The following ASIC2 variants were observed in gnomAD, a reference collection of about 807,000 sequenced individuals.
ASIC2 encodes the protein acid-sensing ion channel 2.
Under a neutral mutation model 57.3 loss-of-function variants are expected in ASIC2, and 25 were observed. The observed-to-expected ratio is 0.44, with a 90% confidence interval of 0.32 to 0.61. The LOEUF (loss-of-function observed/expected upper bound fraction) is 0.61. ASIC2 is among the 20% of genes least tolerant of loss of function. ASIC2 has a pLI of 0.06. For synonymous variants in ASIC2, 319 were observed against 307.5 expected (o/e 1.04, Z -0.39); for missense variants, 641 against 738.1 (o/e 0.87, Z 1.52).
intron 1 of ASIC2, among the ~76,000 whole-genome samples, chr17:33,309,131 T>C (rs1295595813): frequency 1.3e-5 from 2 of 152,200 alleles, no homozygotes; most frequent in Non-Finnish European, 2.9e-5. Context: ...TCAGATCTTT[T>C]TTCTGCCACC....
chr17:33,554,485 C>T (rs1009106755), intron 1 of ASIC2, among the ~76,000 whole-genome samples: 2 of 152,084 alleles, frequency 1.3e-5, no homozygotes, highest in South Asian at 4.2e-4. Context: ...ATAAGATAGG[C>T]TTAGGGGAAG....
chr17:33,037,586 C>T (rs148997797), intron 3 of ASIC2, among the ~76,000 whole-genome samples: 87 of 152,040 alleles, frequency 5.7e-4, no homozygotes, highest in African/African-American at 2.0e-3. Flanking sequence ...TTTGTTTATC[C>T]GGGTAAGCAA....
intron 1 of ASIC2, among the ~76,000 whole-genome samples, chr17:33,876,687 G>T (rs1206202357): frequency 6.6e-6 from 1 of 152,184 alleles, no homozygotes; most frequent in East Asian, 1.9e-4. Flanking sequence ...TTTGAACCAA[G>T]TCTGCTTCTC....
At chr17:34,028,461 A>G (rs1907459798) in intron 1 of ASIC2, among the ~76,000 whole-genome samples, 1 of 152,228 alleles carries the variant, frequency 6.6e-6, no homozygotes, top group Admixed American at 6.5e-5. Context: ...CCACACTCAA[A>G]TGAGTGTGTA....
intron 1 of ASIC2, among the ~76,000 whole-genome samples, chr17:33,717,606 G>A (rs1194430628): frequency 3.3e-5 from 5 of 152,162 alleles, no homozygotes; most frequent in African/African-American, 1.2e-4. Context: ...CTGCCATGAC[G>A]CCTGGCTTCC....
rs1379585047 is a variant in ASIC2 at position 33,063,033 on chromosome 17, C to G, written c.987+25830G>C. Among the ~76,000 whole-genome samples the G allele has an allele frequency of 2.6e-5, 4 of 152,158 alleles. No homozygotes were observed. The South Asian group carries it at 8.3e-4, about 32-fold the overall frequency. On this transcript the variant is annotated intron_variant, in intron 3 of 9. Coordinates refer to ENST00000225823, the MANE Select transcript of ASIC2 (RefSeq NM_183377.2). ...TTGCTTGGCAGATCTTTCTCCATCC[C>G]TTTATTTTGAGCCCATATGTGTCCC...
chr17:33,854,107 C>T (rs1055316577), intron 1 of ASIC2, among the ~76,000 whole-genome samples: 14 of 152,108 alleles, frequency 9.2e-5, no homozygotes, highest in Admixed American at 1.3e-4. Context: ...GCAGATTGTC[C>T]GCCCCAGTAA....
chr17:33,244,886 T>A (rs1908636526), intron 1 of ASIC2, among the ~76,000 whole-genome samples: 2 of 152,300 alleles, frequency 1.3e-5, no homozygotes, highest in South Asian at 4.1e-4. Context: ...AGGAACAGGA[T>A]AGGGAGTGAG....
Position 33,088,918 on chromosome 17 carries a change from A to G in ASIC2, c.932T>C (p.Leu311Pro). 1.2e-6 allele frequency: 2 copies of G among 1,614,116 alleles called. No individual in the cohort carries two copies. Among genetic ancestry groups the G allele is most frequent in the Non-Finnish European group, 1.7e-6 (2 of 1,179,980 alleles). ...GAACCCTGGAGCCACCCCAAAGCCC[A>G]GCTCTTGGATGAAAGGTGGCTCAGA... ...SQSEPPFIQELGFGVAPGFQT... is the reference protein window; with the variant it reads ...SQSEPPFIQEPGFGVAPGFQT... The change falls in exon 3 of 10, where the codon CTG (leucine) becomes CCG (proline). Residue 311 changes from leucine (L) to proline (P), a missense_variant. Around this residue, in one of 3 missense-constraint regions of ASIC2, gnomAD observed 252 missense variants for 319.8 expected, o/e 0.79. Transcript: ENST00000225823.
chr17:34,114,419 G>A (rs1911368310), intron 1 of ASIC2, among the ~76,000 whole-genome samples: 1 of 152,160 alleles, frequency 6.6e-6, no homozygotes, highest in Non-Finnish European at 1.5e-5. Flanking sequence ...AGAGACTTCT[G>A]CATGGGGCTA....
intron 1 of ASIC2, chr17:33,931,525 A>G (rs1915931200): frequency 6.6e-6 from 1 of 152,230 alleles, no homozygotes; most frequent in African/African-American, 2.4e-5. Flanking sequence ...TCATAAGACA[A>G]TATGAGGGGT....
chr17:33,359,438 G>A (rs1279096027), intron 1 of ASIC2, among the ~76,000 whole-genome samples: 1 of 152,188 alleles, frequency 6.6e-6, no homozygotes, highest in Admixed American at 6.5e-5. Flanking sequence ...TCCATGGTAT[G>A]AGGCCACCAC....
Position 33,491,011 on chromosome 17 carries a change from G to C in ASIC2, c.556-378944C>G, listed in dbSNP as rs531054366. The stretch of plus-strand genomic sequence containing the variant: ...AGGGGACCTTTCTGCTCAGTTCACT[G>C]AGGTCGCTCTTCCCCACTTGCCTTG... On this transcript the variant is annotated intron_variant, in intron 1 of 9. Coordinates refer to the ASIC2 transcript ENST00000359872. Among the ~76,000 whole-genome samples the C allele has an allele frequency of 5.9e-5, 9 of 152,200 alleles. No homozygotes were observed. The South Asian group carries it at 1.9e-3, about 32-fold the overall frequency.
chr17:33,413,043 G>C (rs1431995945), intron 1 of ASIC2, among the ~76,000 whole-genome samples: 1 of 152,186 alleles, frequency 6.6e-6, no homozygotes, highest in Non-Finnish European at 1.5e-5. Context: ...AAGGCACTTG[G>C]CTTCTGAGGA....
intron 1 of ASIC2, among the ~76,000 whole-genome samples, chr17:33,354,969 T>G (rs1908321126): frequency 6.6e-6 from 1 of 152,126 alleles, no homozygotes. Flanking sequence ...CTTAACAGAC[T>G]GGGAGCAGCC....
At chr17:34,082,746 AT>A (rs1405579675) in intron 1 of ASIC2, among the ~76,000 whole-genome samples, 1 of 152,242 alleles carries the variant, frequency 6.6e-6, no homozygotes, top group Non-Finnish European at 1.5e-5. Flanking sequence ...CCTCTGAAAA[AT>A]AGATCATTAC....
chr17:34,073,483 T>C (rs961803148), intron 1 of ASIC2, among the ~76,000 whole-genome samples: 11 of 152,114 alleles, frequency 7.2e-5, no homozygotes, highest in African/African-American at 2.7e-4. Context: ...GTATAGGTTG[T>C]GGCCAAACCA....
At chr17:34,076,935 C>T (rs1167989642) in intron 1 of ASIC2, among the ~76,000 whole-genome samples, 2 of 152,232 alleles carry the variant, frequency 1.3e-5, no homozygotes, top group Non-Finnish European at 2.9e-5. Flanking sequence ...TAGCGCAACA[C>T]AAGATCAGCA....
intron 1 of ASIC2, among the ~76,000 whole-genome samples, chr17:33,179,424 A>AT (rs1905890318): frequency 6.6e-6 from 1 of 152,218 alleles, no homozygotes; most frequent in Non-Finnish European, 1.5e-5. Context: ...ATTCCTGAAA[A>AT]GTTGGGCAGA....
Sources: gnomAD v4.1 joint callset for allele counts (sites outside exome capture counted in the v4.1 genomes callset) on GRCh38, gnomAD v4.1.1 for gene constraint, gnomAD v4.1.1 regional missense constraint, MANE v1.5 for transcripts, NCBI Gene and HGNC (gene_info 2026-07-23, HGNC 2026-07-21) for gene names.